The following HELQ variants were observed in gnomAD, a reference collection of about 807,000 sequenced individuals.
HELQ encodes the protein helicase POLQ-like.
HELQ carries 77 observed loss-of-function variants against 111.6 expected under a neutral mutation model. The ratio of observed to expected loss-of-function variants is 0.69; its 90% CI spans 0.57 to 0.83. The LOEUF (loss-of-function observed/expected upper bound fraction) is 0.83. Among genes scored for constraint, HELQ ranks in the 40% least tolerant of loss-of-function variants. The pLI is 0.00. For synonymous variants in HELQ, 438 were observed against 454.7 expected, an observed-to-expected ratio of 0.96 and a Z score of 0.47; for missense variants, 1,200 against 1,288.5, an observed-to-expected ratio of 0.93 and a Z score of 1.05.
At chr4:83,439,040 T>A (rs1175083918) in intron 8 of HELQ, among the ~76,000 whole-genome samples, 1 of 152,130 alleles carries the variant, frequency 6.6e-6, no homozygotes, top group Non-Finnish European at 1.5e-5. Context: ...AACATTCTCA[T>A]ACATATAGTC....
At chr4:83,447,324 G>C (rs1331482446) in intron 3 of HELQ, among the ~76,000 whole-genome samples, 2 of 152,086 alleles carry the variant, frequency 1.3e-5, no homozygotes, top group Admixed American at 6.6e-5. Flanking sequence ...TCCAGCCTGG[G>C]CGACAGAGCA....
At position 83,407,518 on chromosome 4, in the gene HELQ, C is replaced by G. The variant is rs1738857359; in HGVS notation, c.3241G>C (p.Glu1081Gln). 6.2e-7 allele frequency: 1 copy of G among 1,612,090 alleles called. No homozygotes were observed. Among genetic ancestry groups the G allele is most frequent in the African/African-American group, 1.3e-5 (1 of 74,846 alleles). Residue 1081 changes from glutamate to glutamine, a missense_variant, in exon 18 of 18, where the codon GAA becomes CAA. This residue lies in a region of HELQ where 585 missense variants were observed against 665.3 expected (regional missense o/e 0.88). Transcript: ENST00000295488. ...EKAEALQEEV[E>Q]ELLRLPSDFP... is the part of the protein sequence containing the mutation. Reference sequence around the variant, plus strand: ...TCAGAAGGCAATCTTAGTAACTCTTCTACCTCTTCTTGCAGGGCTTCTGCT... The same window carrying G: ...TCAGAAGGCAATCTTAGTAACTCTTGTACCTCTTCTTGCAGGGCTTCTGCT...
At chr4:83,447,339 C>T (rs962441091) in intron 3 of HELQ, among the ~76,000 whole-genome samples, 39 of 149,768 alleles carry the variant, frequency 2.6e-4, no homozygotes, top group African/African-American at 9.3e-4. Flanking sequence ...AGAGCAAGAC[C>T]CTGACTCAAA....
chr4:83,432,052 A>C, intron 10 of HELQ, 74 bp downstream of exon 10: 2 of 921,034 alleles, frequency 2.2e-6, no homozygotes, highest in Non-Finnish European at 3.1e-6. Context: ...TTTTTAAAAG[A>C]TGATTTCATA....
At chr4:83,451,508 A>G (rs1015958150) in intron 2 of HELQ, among the ~76,000 whole-genome samples, 13 of 150,900 alleles carry the variant, frequency 8.6e-5, no homozygotes, top group African/African-American at 3.2e-4. Context: ...TAAAAATACA[A>G]AAAAAAAATT....
chr4:83,442,260 A>ATTTTTTTTTTTT (rs70949710), intron 6 of HELQ, among the ~76,000 whole-genome samples: 1 of 82,064 alleles, frequency 1.2e-5, no homozygotes, highest in Non-Finnish European at 2.2e-5. Flanking sequence ...AAAAACATCA[A>ATTTTTTTTTTTT]TTTTTTTTTT....
At chr4:83,450,935 C>T (rs1301254251) in intron 2 of HELQ, among the ~76,000 whole-genome samples, 6 of 152,120 alleles carry the variant, frequency 3.9e-5, no homozygotes, top group South Asian at 2.1e-4. Context: ...ATTGCCAGGT[C>T]GTATTCCTAG....
intron 8 of HELQ, 85 bp from the exon 9 acceptor site, chr4:83,437,182 G>T: frequency 7.9e-7 from 1 of 1,265,292 alleles, no homozygotes; most frequent in Admixed American, 2.1e-5. Context: ...AGATGCTAAT[G>T]TAAACATTCT....
intron 4 of HELQ, 89 bp from the exon 5 acceptor site, chr4:83,446,175 G>A: frequency 1.1e-6 from 1 of 871,974 alleles, no homozygotes; most frequent in South Asian, 1.4e-5. Flanking sequence ...AAATTTGTTT[G>A]TAAAGAGTTG....
rs1578084494 is a variant in HELQ, at chr4:83,432,467, T to C, written c.2049-200A>G. On this transcript the variant is annotated intron_variant, in intron 9 of 17. Coordinates refer to ENST00000295488, the MANE Select transcript of HELQ (RefSeq NM_133636.5). ...ATTCTTACAAAACTCTTAGTTATAATATACTTTTTTATTTCATTTTTATAA... is the reference window on the plus strand; with the variant it reads ...ATTCTTACAAAACTCTTAGTTATAACATACTTTTTTATTTCATTTTTATAA... Among the ~76,000 whole-genome samples the C allele has an allele frequency of 5.3e-5, 8 of 152,276 alleles. 1 individual carries two copies. In the South Asian group the frequency reaches 1.7e-3, roughly 32 times the overall value.
intron 7 of HELQ, among the ~76,000 whole-genome samples, chr4:83,440,516 G>A (rs552815684): frequency 6.6e-6 from 1 of 152,298 alleles, no homozygotes; most frequent in East Asian, 1.9e-4. Flanking sequence ...GAAAAAATGT[G>A]AAGTTATTTA....
At chr4:83,409,269 G>A (rs531788075) in intron 17 of HELQ, among the ~76,000 whole-genome samples, 1 of 152,220 alleles carries the variant, frequency 6.6e-6, no homozygotes, top group East Asian at 1.9e-4. Flanking sequence ...AAGAAAACAA[G>A]GCTGGGCATG....
chr4:83,414,942 G>A (rs1739285131), intron 17 of HELQ, among the ~76,000 whole-genome samples: 1 of 152,088 alleles, frequency 6.6e-6, no homozygotes. Context: ...AATCTTAGTG[G>A]TTTCATCTAT....
chr4:83,416,580 A>G, intron 17 of HELQ, 151 bp downstream of exon 17: 1 of 784,148 alleles, frequency 1.3e-6, no homozygotes, highest in Admixed American at 3.1e-5. Context: ...CAACAGATGC[A>G]TTATTTTTAC....
intron 9 of HELQ, among the ~76,000 whole-genome samples, chr4:83,435,925 G>C (rs950874): frequency 0.45 from 67,768 of 150,770 alleles, 15,726 homozygotes; most frequent in East Asian, 0.67. Flanking sequence ...AAAACTTAAT[G>C]AGAGACAGAA....
intron 9 of HELQ, among the ~76,000 whole-genome samples, chr4:83,433,304 G>C (rs1353550390): frequency 6.6e-6 from 1 of 152,134 alleles, no homozygotes; most frequent in Non-Finnish European, 1.5e-5. Context: ...ATAGGGATCA[G>C]AAGAGAACTT....
intron 13 of HELQ, 32 bp from the exon 14 acceptor site, chr4:83,426,124 A>G (rs377673233): frequency 8.7e-7 from 1 of 1,143,118 alleles, no homozygotes; most frequent in South Asian, 1.3e-5. Flanking sequence ...AGATGGAAAC[A>G]TCAAAAAATC....
chr4:83,455,808 C>G lies in HELQ; in HGVS notation c.-115G>C. On this transcript the variant is annotated 5_prime_UTR_variant, in exon 1 of 18. Coordinates refer to ENST00000295488, the MANE Select transcript of HELQ (RefSeq NM_133636.5). ...CTTCTACATCCACCTTGGGAAAAGA[C>G]CCCAAGTTAGCTCTCAGGGCTCGCG... The G allele has an allele frequency of 1.9e-6, 2 of 1,066,688 alleles. No individual in the cohort carries two copies. The highest frequency in any genetic ancestry group is 1.6e-5 in the African/African-American group (1 of 63,694). 66.1% of individuals were successfully genotyped at this position (1,066,688 alleles called of 1,614,324 possible). A position where few individuals can be genotyped will look rare whatever the true frequency, so the allele number is the denominator to read the frequency against.
At chr4:83,443,643 T>A (rs755071112) in intron 5 of HELQ, 29 bp from the exon 6 acceptor site, 1 of 1,025,674 alleles carries the variant, frequency 9.7e-7, no homozygotes, top group Non-Finnish European at 1.5e-6. Flanking sequence ...AAAGCCAAAG[T>A]GTTAAGGAAA....
Sources: gnomAD v4.1 joint callset for allele counts (sites outside exome capture counted in the v4.1 genomes callset) on GRCh38, gnomAD v4.1.1 for gene constraint, gnomAD v4.1.1 regional missense constraint, MANE v1.5 for transcripts, NCBI Gene and HGNC (gene_info 2026-07-23, HGNC 2026-07-21) for gene names.